Variants in MTUS2 observed in about 807,000 individuals in gnomAD.
MTUS2 encodes microtubule associated scaffold protein 2, also known as microtubule-associated tumor suppressor candidate 2.
Under a neutral mutation model 114.1 loss-of-function variants are expected in MTUS2, and 40 were observed. The ratio of observed to expected loss-of-function variants is 0.35; its 90% CI spans 0.27 to 0.46. The LOEUF is 0.46. Among genes scored for constraint, MTUS2 ranks in the 20% least tolerant of loss-of-function variants. The pLI, the probability that MTUS2 is intolerant of heterozygous loss-of-function variation, is 1.00. For synonymous variants in MTUS2, 688 were observed against 672.0 expected, an observed-to-expected ratio of 1.02 and a Z score of -0.37; for missense variants, 1,679 against 1,705.4, an observed-to-expected ratio of 0.98 and a Z score of 0.27.
At chr13:29,227,060 C>A (rs1239367294) in intron 5 of MTUS2, among the ~76,000 whole-genome samples, 1 of 152,012 alleles carries the variant, frequency 6.6e-6, no homozygotes, top group Non-Finnish European at 1.5e-5. Context: ...GAGTCTGAGA[C>A]CAGCCTGCCC....
chr13:28,828,485 A>G (rs1414945571), intron 1 of MTUS2, among the ~76,000 whole-genome samples: 1 of 152,352 alleles, frequency 6.6e-6, no homozygotes. Flanking sequence ...TGGCCATGAA[A>G]TCTTCACAAT....
At chr13:29,063,697 T>A (rs9508246) in intron 4 of MTUS2, among the ~76,000 whole-genome samples, 9,643 of 152,254 alleles carry the variant, frequency 0.063, 427 homozygotes, top group Non-Finnish European at 0.094. Context: ...ATTGGAACAA[T>A]CTAAACAAGC....
chr13:29,329,759 G>A (rs185483711), intron 7 of MTUS2, among the ~76,000 whole-genome samples: 4 of 151,794 alleles, frequency 2.6e-5, no homozygotes, highest in Non-Finnish European at 5.9e-5. Flanking sequence ...GACTACAGGT[G>A]TGTGCCACCA....
chr13:29,492,805 C>A, intron 12 of MTUS2, 86 bp downstream of exon 12: 2 of 1,028,794 alleles, frequency 1.9e-6, no homozygotes, highest in Non-Finnish European at 1.5e-6. Flanking sequence ...TCAGCACCTA[C>A]TGTGTACTAA....
At chr13:29,176,780 A>G (rs1398312792) in intron 5 of MTUS2, among the ~76,000 whole-genome samples, 1 of 145,760 alleles carries the variant, frequency 6.9e-6, no homozygotes, top group Non-Finnish European at 1.5e-5. Context: ...GGGCACCCCA[A>G]AATTCAGACC....
At chr13:29,422,151 A>G (rs1876154273) in intron 8 of MTUS2, among the ~76,000 whole-genome samples, 1 of 152,200 alleles carries the variant, frequency 6.6e-6, no homozygotes. Flanking sequence ...CTGAAGTTCT[A>G]CAGGCCTTGT....
chr13:29,465,839 C>T (rs1432348993), intron 9 of MTUS2, among the ~76,000 whole-genome samples: 1 of 152,254 alleles, frequency 6.6e-6, no homozygotes, highest in Non-Finnish European at 1.5e-5. Context: ...AAGGTCGCTT[C>T]TCTAAATGTC....
At chr13:28,921,859 T>C (rs1378998204) in intron 2 of MTUS2, among the ~76,000 whole-genome samples, 2 of 152,108 alleles carry the variant, frequency 1.3e-5, no homozygotes, top group Non-Finnish European at 2.9e-5. Context: ...GCTTTCCCTC[T>C]CCCAAGTGCA....
chr13:29,391,429 A>G (rs1873451511), intron 8 of MTUS2, among the ~76,000 whole-genome samples: 1 of 152,204 alleles, frequency 6.6e-6, no homozygotes, highest in South Asian at 2.1e-4. Flanking sequence ...AAATGGTACC[A>G]TCTTCCCCAG....
chr13:29,137,474 G>T (rs1316572630), intron 5 of MTUS2, among the ~76,000 whole-genome samples: 1 of 151,964 alleles, frequency 6.6e-6, no homozygotes, highest in African/African-American at 2.4e-5. Context: ...GACTACCGCA[G>T]TGTATTGCTG....
intron 5 of MTUS2, among the ~76,000 whole-genome samples, chr13:29,236,427 G>T (rs1475956465): frequency 5.3e-5 from 8 of 152,144 alleles, no homozygotes; most frequent in Non-Finnish European, 8.8e-5. Flanking sequence ...GAAAACTCAA[G>T]CCCTAGTACA....
rs117569180 is a variant in MTUS2 at position 29,095,244 on chromosome 13, G to T, written c.2447-5529G>T. On this transcript the variant is annotated intron_variant, in intron 4 of 15. Transcript: ENST00000612955. ...TCATTGTTCTATTATTGAAAGTGAG[G>T]TATTGAAGTCTCGAACTATTATTTT... Among the ~76,000 whole-genome samples the T allele has an allele frequency of 7.9e-5, 12 of 152,114 alleles. No homozygotes were observed. In the East Asian group the frequency reaches 2.3e-3, roughly 29 times the overall value.
At chr13:29,263,452 C>T (rs999483740) in intron 5 of MTUS2, among the ~76,000 whole-genome samples, 3 of 152,114 alleles carry the variant, frequency 2.0e-5, no homozygotes, top group Admixed American at 1.3e-4. Context: ...TAGTGAAATG[C>T]GTCTCTGTTA....
intron 10 of MTUS2, chr13:29,487,692 C>A (rs938546240): frequency 1.7e-6 from 1 of 581,272 alleles, no homozygotes. Flanking sequence ...TGGAGTTGGA[C>A]CCCCCTACAA....
At chr13:29,293,363 A>C (rs546859072) in intron 6 of MTUS2, among the ~76,000 whole-genome samples, 1 of 152,200 alleles carries the variant, frequency 6.6e-6, no homozygotes, top group South Asian at 2.1e-4. Flanking sequence ...CAAATTTACT[A>C]ATAACTAAAC....
At chr13:29,276,501 C>G (rs182216939) in intron 5 of MTUS2, among the ~76,000 whole-genome samples, 1 of 152,248 alleles carries the variant, frequency 6.6e-6, no homozygotes, top group Non-Finnish European at 1.5e-5. Flanking sequence ...TACCTTCATC[C>G]TTTGGGGAAA....
At position 29,441,185 on chromosome 13, in the gene MTUS2, G is replaced by A. The variant is rs76311033; in HGVS notation, c.3184+1136G>A. 4.6e-3 allele frequency among the ~76,000 whole-genome samples: 703 copies of A among 152,134 alleles called. 6 individuals are homozygous for A. Among genetic ancestry groups the A allele is most frequent in the African/African-American group, 0.016 (662 of 41,492 alleles). On this transcript the variant is annotated intron_variant, in intron 9 of 15. Transcript: ENST00000612955. Reference sequence around the variant, plus strand: ...ACTGCTGCAGGGACACCTACACCCGGACACCCCTTCTCCCCCACCAGGAGA... The same window carrying A: ...ACTGCTGCAGGGACACCTACACCCGAACACCCCTTCTCCCCCACCAGGAGA...
intron 2 of MTUS2, among the ~76,000 whole-genome samples, chr13:28,989,271 A>C (rs1418692636): frequency 6.6e-6 from 1 of 152,228 alleles, no homozygotes; most frequent in Non-Finnish European, 1.5e-5. Flanking sequence ...GGGCATTTGC[A>C]GATGAATTCT....
At chr13:29,424,394 C>A (rs2138609601) in intron 8 of MTUS2, among the ~76,000 whole-genome samples, 1 of 152,168 alleles carries the variant, frequency 6.6e-6, no homozygotes, top group African/African-American at 2.4e-5. Flanking sequence ...AAGAAAAATT[C>A]TTTTTTTATA....
Sources: allele counts gnomAD v4.1 joint callset (sites outside exome capture counted in the v4.1 genomes callset), GRCh38; gene constraint gnomAD v4.1.1; transcripts MANE v1.5; gene names NCBI Gene and HGNC (gene_info 2026-07-23, HGNC 2026-07-21).